DHX29: variants seen among roughly 807,000 people sequenced by gnomAD.
DHX29 encodes the protein DExH-box helicase 29.
Under a neutral mutation model 167.9 loss-of-function variants are expected in DHX29, and 79 were observed. The ratio of observed to expected loss-of-function variants is 0.47; its 90% CI spans 0.39 to 0.57. The LOEUF (loss-of-function observed/expected upper bound fraction) is 0.57. Ranked by LOEUF, DHX29 falls within the 20% of genes least tolerant of loss-of-function variation. The probability of loss-of-function intolerance (pLI) is 0.00; values close to 1 mark genes in which losing one functional copy is unlikely to be tolerated. For missense variants in DHX29, 1,347 were observed against 1,593.4 expected (o/e 0.85, Z 2.63); for synonymous variants, 530 against 546.0 (o/e 0.97, Z 0.41).
intron 1 of DHX29, among the ~76,000 whole-genome samples, chr5:55,305,596 G>T (rs1279471349): frequency 6.6e-6 from 1 of 152,332 alleles, no homozygotes. Flanking sequence ...ACTGGAGGAA[G>T]CAAAATGAGC....
intron 14 of DHX29, among the ~76,000 whole-genome samples, chr5:55,275,548 T>C (rs1383968757): frequency 6.6e-5 from 10 of 152,198 alleles, no homozygotes; most frequent in Admixed American, 6.6e-4. Context: ...AATTAAAATA[T>C]AAAGATAACT....
intron 8 of DHX29, among the ~76,000 whole-genome samples, chr5:55,286,716 T>C (rs1464871222): frequency 6.6e-6 from 1 of 152,236 alleles, no homozygotes; most frequent in Non-Finnish European, 1.5e-5. Flanking sequence ...TAGCCACATG[T>C]GGTTAAATGT....
In DHX29 at chr5:55,262,908, A is replaced by T. The variant is rs764302895; in HGVS notation, c.3550T>A (p.Leu1184Met). The change falls in exon 24 of 27, where the codon TTG becomes ATG. Residue 1184 changes from leucine (L) to methionine (M), a missense_variant. Transcript: ENST00000251636. ...GATGAAAATCCTGCTGCCTTAACCA[A>T]CTTTATTAACTCCTGCTTTACATCC... ...LEDVKQELIK[L>M]VKAAGFSSST... The T allele has an allele frequency of 1.2e-6, 2 of 1,612,928 alleles. No individual in the cohort carries two copies. The highest frequency in any genetic ancestry group is 1.7e-6 in the Non-Finnish European group (2 of 1,179,168).
Position 55,281,437 on chromosome 5 carries a change from C to A in DHX29, c.2044G>T (p.Val682Phe). ...TCTTCTTGAAGTTTCCTTAGCAAAA[C>A]CCCTGTTGTACAATAGAGTAACCTG... ...STRLLYCTTG[V>F]LLRKLQEDGL... Residue 682 changes from valine (V) to phenylalanine (F), a missense_variant, in exon 12 of 27, where the codon GTT becomes TTT. Val to Phe is a conservative substitution (Grantham distance 50, BLOSUM62 -1). Transcript: ENST00000251636. 6.2e-7 allele frequency: 1 copy of A among 1,602,484 alleles called. No individual in the cohort carries two copies. Among genetic ancestry groups the A allele is most frequent in the Non-Finnish European group, 8.5e-7 (1 of 1,174,262 alleles).
At chr5:55,268,516 C>T (rs900725249) in intron 21 of DHX29, among the ~76,000 whole-genome samples, 7 of 152,076 alleles carry the variant, frequency 4.6e-5, no homozygotes, top group Admixed American at 1.3e-4. Flanking sequence ...CCTCCTACTC[C>T]GGGGCTCTAG....
intron 1 of DHX29, 71 bp from the exon 2 acceptor site, chr5:55,298,735 A>G: frequency 1.2e-6 from 1 of 809,150 alleles, no homozygotes; most frequent in South Asian, 1.5e-5. Flanking sequence ...TCCTCTAAAG[A>G]ATGCTAAATA....
chr5:55,307,674 GCGCTT>G lies in DHX29; in HGVS notation c.-106_-102del. The G allele has an allele frequency of 6.8e-7, 1 of 1,465,784 alleles. No individual in the cohort carries two copies. The highest frequency in any genetic ancestry group is 9.3e-7 in the Non-Finnish European group (1 of 1,079,842). 90.8% of individuals were successfully genotyped at this position (1,465,784 alleles called of 1,614,324 possible). ...TCCCCGGCTCCGGGGCTGCCACCCT[GCGCTT>G]CGATCCGGGCTTCTCGGGCCGGGGC... On this transcript the variant is annotated 5_prime_UTR_variant, in exon 1 of 27. Coordinates refer to ENST00000251636, the MANE Select transcript of DHX29 (RefSeq NM_019030.4).
intron 1 of DHX29, among the ~76,000 whole-genome samples, chr5:55,300,600 G>A (rs555379889): frequency 1.8e-3 from 270 of 152,254 alleles, no homozygotes; most frequent in Non-Finnish European, 2.7e-3. Flanking sequence ...TTTAACCCAG[G>A]AGGCAGAGGT....
rs774367667 is a variant in DHX29 at position 55,262,922 on chromosome 5, T to C, written c.3536A>G (p.Gln1179Arg). ...TGCCTTAACCAACTTTATTAACTCC[T>C]GCTTTACATCCTAGATTGGTTTATG... is the stretch of plus-strand genomic sequence containing the variant. ...TSLLTLEDVK[Q>R]ELIKLVKAAG... Residue 1179 changes from glutamine to arginine, a missense_variant, in exon 24 of 27, where the codon CAG (glutamine) becomes CGG (arginine). Physicochemically the swap from Gln to Arg is conservative, Grantham distance 43. This residue lies in a region of DHX29 where 882 missense variants were observed against 1,082.4 expected (regional missense o/e 0.81). Coordinates refer to ENST00000251636, the MANE Select transcript of DHX29 (RefSeq NM_019030.4). 3.1e-6 allele frequency: 5 copies of C among 1,610,500 alleles called. No individual in the cohort carries two copies. Among genetic ancestry groups the C allele is most frequent in the Non-Finnish European group, 3.4e-6 (4 of 1,177,388 alleles).
intron 12 of DHX29, among the ~76,000 whole-genome samples, chr5:55,279,150 C>T (rs375941153): frequency 1.2e-3 from 176 of 152,202 alleles, no homozygotes; most frequent in South Asian, 8.5e-3. Context: ...CCAAGGGTAA[C>T]GCCAGTGAAT....
rs1275817650 is a variant in DHX29, at chr5:55,295,520, T to C, written c.510A>G (p.Ala170=). ...DWLCLNLSDD[A]LPEGFSQEFE... ...ATTCCTGACTGAATCCTTCAGGAAG[T>C]GCATCTTAAAATAAAAGAAACTATG... Residue 170 remains alanine (A), a synonymous_variant, in exon 5 of 27, where the codon GCA becomes GCG. Transcript: ENST00000251636. 1.2e-6 allele frequency: 2 copies of C among 1,611,118 alleles called. No homozygotes were observed. Among genetic ancestry groups the C allele is most frequent in the Admixed American group, 1.7e-5 (1 of 59,136 alleles).
At chr5:55,291,569 G>A (rs1748046526) in intron 6 of DHX29, among the ~76,000 whole-genome samples, 1 of 152,104 alleles carries the variant, frequency 6.6e-6, no homozygotes, top group African/African-American at 2.4e-5. Context: ...GTACAGTTCA[G>A]TGGTATTAAA....
At position 55,307,237 on chromosome 5, in the gene DHX29, A is replaced by G. The variant is rs1286556223; in HGVS notation, c.187+150T>C. 6.0e-6 allele frequency: 4 copies of G among 669,952 alleles called. No homozygotes were observed. In the East Asian group the frequency reaches 1.2e-4, roughly 20 times the overall value. The allele number at this position is 669,952 out of a possible 1,614,324, so 41.5% of individuals were successfully genotyped here. ...AAGAGCTTAGACTTTTTTAATCTAA[A>G]ACAAGGCCACCCCATGGGGAGGTAG... is the stretch of plus-strand genomic sequence containing the variant. On this transcript the variant is annotated intron_variant, in intron 1 of 26. Transcript: ENST00000251636.
At chr5:55,293,708 G>A (rs980134074) in intron 6 of DHX29, among the ~76,000 whole-genome samples, 1 of 151,966 alleles carries the variant, frequency 6.6e-6, no homozygotes, top group Non-Finnish European at 1.5e-5. Flanking sequence ...TCTCTAGACC[G>A]TGAACTTCTG....
At chr5:55,275,315 G>C (rs1747054072) in intron 14 of DHX29, among the ~76,000 whole-genome samples, 1 of 152,118 alleles carries the variant, frequency 6.6e-6, no homozygotes, top group African/African-American at 2.4e-5. Context: ...GCATCATTCT[G>C]TGGCAACTAA....
intron 6 of DHX29, among the ~76,000 whole-genome samples, chr5:55,291,365 G>A (rs113905840): frequency 7.9e-4 from 120 of 152,282 alleles, no homozygotes; most frequent in African/African-American, 2.8e-3. Context: ...GTACCATTTT[G>A]TGTAAAGACA....
intron 8 of DHX29, among the ~76,000 whole-genome samples, chr5:55,288,341 T>C (rs1232561170): frequency 6.6e-6 from 1 of 151,772 alleles, no homozygotes; most frequent in African/African-American, 2.4e-5. Context: ...TTGATGGTCT[T>C]CTAAAACCTA....
In DHX29 at chr5:55,285,334, G is replaced by A. The variant is rs753078406; in HGVS notation, c.1315C>T (p.Leu439=). The change falls in exon 10 of 27, where the codon CTG becomes TTG. Residue 439 remains leucine (L), a synonymous_variant. Coordinates refer to ENST00000251636, the MANE Select transcript of DHX29 (RefSeq NM_019030.4). ...CGGTAAAGGGCTAAAGTAGCTCCCA[G>A]GTGCTGAGCTTGCATGCCATCTTCT... ...LTEDGMQAQH[L]GATLALYRLV... 1.9e-6 allele frequency: 3 copies of A among 1,613,970 alleles called. No individual in the cohort carries two copies. The highest frequency in any genetic ancestry group is 3.3e-5 in the Admixed American group (2 of 60,018).
At chr5:55,283,868 T>C (rs1468459189) in intron 10 of DHX29, 57 bp from the exon 11 acceptor site, 2 of 1,423,638 alleles carry the variant, frequency 1.4e-6, no homozygotes, top group African/African-American at 1.4e-5. Flanking sequence ...GGAAATTCAA[T>C]AGATTAGCAC....
Sources: gnomAD v4.1 joint callset for allele counts (sites outside exome capture counted in the v4.1 genomes callset) on GRCh38, gnomAD v4.1.1 for gene constraint, gnomAD v4.1.1 regional missense constraint, MANE v1.5 for transcripts, NCBI Gene and HGNC (gene_info 2026-07-23, HGNC 2026-07-21) for gene names.